The following PCDHA10 variants were observed in gnomAD, a reference collection of about 807,000 sequenced individuals.
PCDHA10 encodes the protein protocadherin alpha 10, also known as protocadherin alpha-10.
A neutral mutation model predicts 61.2 loss-of-function variants in PCDHA10; 45 were observed. The observed-to-expected ratio is 0.74, with a 90% CI of 0.58 to 0.94. PCDHA10 has a LOEUF of 0.94. PCDHA10 is among the 40% of genes least tolerant of loss of function. PCDHA10 has a pLI of 0.00. For synonymous variants in PCDHA10, 602 were observed against 548.8 expected, an observed-to-expected ratio of 1.10 and a Z score of -1.35; for missense variants, 1,278 against 1,236.2, an observed-to-expected ratio of 1.03 and a Z score of -0.51.
In PCDHA10 at chr5:140,990,740, G is replaced by C. The variant is rs76434886; in HGVS notation, c.2536+8177G>C. Among the ~76,000 whole-genome samples the C allele has an allele frequency of 8.5e-3, 1,294 of 152,288 alleles. 21 individuals carry two copies. Among genetic ancestry groups the C allele is most frequent in the African/African-American group, 0.029 (1,222 of 41,552 alleles). ...ATCACTAGGTATATCAACAGCCCTA[G>C]GGTGGATACCTTTGAGCCTGTAAAT... On this transcript the variant is annotated intron_variant, in intron 3 of 3. Coordinates refer to ENST00000307360, the MANE Select transcript of PCDHA10 (RefSeq NM_018901.4).
At chr5:140,868,885 TA>T in intron 1 of PCDHA10, 1 of 733,950 alleles carries the variant, frequency 1.4e-6, no homozygotes, top group East Asian at 2.8e-5. Flanking sequence ...CTCACAGTTT[TA>T]GGCGCAAGGT....
intron 1 of PCDHA10, among the ~76,000 whole-genome samples, chr5:140,901,760 G>C (rs909858668): frequency 6.6e-6 from 1 of 152,102 alleles, no homozygotes; most frequent in Admixed American, 6.5e-5. Context: ...TTTTGACAGG[G>C]ATTGCATTGA....
chr5:140,994,429 G>A (rs1474074265), intron 3 of PCDHA10, among the ~76,000 whole-genome samples: 1 of 152,110 alleles, frequency 6.6e-6, no homozygotes, highest in Non-Finnish European at 1.5e-5. Flanking sequence ...GAGGCCGGGC[G>A]CAGTGGCTCA....
intron 1 of PCDHA10, among the ~76,000 whole-genome samples, chr5:140,904,904 C>G (rs1463349424): frequency 6.6e-6 from 1 of 151,948 alleles, no homozygotes; most frequent in Non-Finnish European, 1.5e-5. Context: ...GTTTTTCTTA[C>G]TGATTTGTTT....
At chr5:140,964,174 A>G (rs1187603456) in intron 1 of PCDHA10, among the ~76,000 whole-genome samples, 2 of 152,250 alleles carry the variant, frequency 1.3e-5, no homozygotes, top group African/African-American at 4.8e-5. Flanking sequence ...GAACGAAATC[A>G]TTATAGTGCC....
At chr5:140,984,987 G>C (rs1034950978) in intron 3 of PCDHA10, among the ~76,000 whole-genome samples, 7 of 152,028 alleles carry the variant, frequency 4.6e-5, no homozygotes, top group Admixed American at 2.0e-4. Flanking sequence ...CCCCAGGCTG[G>C]AGTCCAGTGG....
chr5:140,886,730 G>A (rs2061105749), intron 1 of PCDHA10, among the ~76,000 whole-genome samples: 1 of 150,962 alleles, frequency 6.6e-6, no homozygotes, highest in Non-Finnish European at 1.5e-5. Flanking sequence ...GGAGGCTGAA[G>A]CAAGAGAATT....
In PCDHA10 at chr5:140,858,356, T is replaced by G. The variant is rs782216764; in HGVS notation, c.2308T>G (p.Phe770Val). 6.3e-7 allele frequency: 1 copy of G among 1,593,100 alleles called. No homozygotes were observed. The highest frequency in any genetic ancestry group is 8.6e-7 in the Non-Finnish European group (1 of 1,164,534). Residue 770 changes from phenylalanine (F) to valine (V), a missense_variant, in exon 1 of 4, where the codon TTC becomes GTC. Phe to Val is a conservative substitution (Grantham distance 50). Transcript: ENST00000307360. ...EGLPKADLMA[F>V]SPSLPPCPMV... is the part of the protein sequence containing the mutation. ...CCTGCCCAAGGCGGACCTCATGGCCTTCAGCCCCAGCCTTCCACCATGCCC... is the reference window on the plus strand; with the variant it reads ...CCTGCCCAAGGCGGACCTCATGGCCGTCAGCCCCAGCCTTCCACCATGCCC...
Position 140,999,523 on chromosome 5 carries a change from C to A in PCDHA10, c.2537-10104C>A, listed in dbSNP as rs115576128. On this transcript the variant is annotated intron_variant, in intron 3 of 3. Coordinates refer to ENST00000307360, the MANE Select transcript of PCDHA10 (RefSeq NM_018901.4). ...AACCTACATTTTAAGCATTTTGTTA[C>A]CCCCTGGATATGACAGCCAATGAAG... is the stretch of plus-strand genomic sequence containing the variant. Among the ~76,000 whole-genome samples, 464 of 152,142 alleles carry A rather than the reference C, an allele frequency of 3.0e-3. 6 individuals carry two copies. Among genetic ancestry groups the A allele is most frequent in the Middle Eastern group, 0.01 (3 of 294 alleles).
At chr5:140,877,375 C>G (rs782650940) in intron 1 of PCDHA10, 1 of 1,614,006 alleles carries the variant, frequency 6.2e-7, no homozygotes, top group Admixed American at 1.7e-5. Flanking sequence ...CAGCACGACA[C>G]GCATCCTGGA....
At chr5:140,976,060 T>G (rs1554237234) in intron 1 of PCDHA10, among the ~76,000 whole-genome samples, 3 of 152,228 alleles carry the variant, frequency 2.0e-5, no homozygotes. Flanking sequence ...GATAGTAATA[T>G]ATGTCTTACT....
chr5:140,899,123 A>T (rs1190536862), intron 1 of PCDHA10, among the ~76,000 whole-genome samples: 6 of 152,240 alleles, frequency 3.9e-5, no homozygotes, highest in Non-Finnish European at 7.3e-5. Flanking sequence ...ATATACAATC[A>T]TGTCTTCTGC....
chr5:140,910,519 G>A (rs187918127), intron 1 of PCDHA10, among the ~76,000 whole-genome samples: 18 of 152,218 alleles, frequency 1.2e-4, no homozygotes, highest in Non-Finnish European at 2.5e-4. Context: ...AAGGATGCAG[G>A]TACTCCCCTC....
intron 1 of PCDHA10, chr5:140,966,970 G>A (rs1554228990): frequency 6.2e-7 from 1 of 1,602,870 alleles, no homozygotes; most frequent in Admixed American, 1.7e-5. Flanking sequence ...TGGGGCTTGA[G>A]CTGCGGCGCT....
intron 3 of PCDHA10, among the ~76,000 whole-genome samples, chr5:140,999,452 G>A (rs141442204): frequency 6.4e-4 from 97 of 152,234 alleles, no homozygotes; most frequent in African/African-American, 2.1e-3. Flanking sequence ...TTCGTTCAAC[G>A]AATAAGTGGT....
At chr5:140,906,487 CA>C (rs1346198597) in intron 1 of PCDHA10, among the ~76,000 whole-genome samples, 1 of 152,180 alleles carries the variant, frequency 6.6e-6, no homozygotes, top group Non-Finnish European at 1.5e-5. Context: ...TATAAATGCA[CA>C]AACATGTTTT....
intron 1 of PCDHA10, chr5:140,876,225 G>C: frequency 1.2e-6 from 2 of 1,613,982 alleles, no homozygotes; most frequent in Non-Finnish European, 1.7e-6. Context: ...AAGTAGTGTT[G>C]TCTGAAAATG....
At chr5:140,884,020 G>A (rs61734917) in intron 1 of PCDHA10, 5 of 1,613,174 alleles carry the variant, frequency 3.1e-6, no homozygotes, top group East Asian at 2.2e-5. Flanking sequence ...TGCCGCGGTC[G>A]GTGGGTGCAG....
intron 1 of PCDHA10, chr5:140,968,552 C>T (rs370640529): frequency 1.2e-6 from 2 of 1,614,184 alleles, no homozygotes; most frequent in Non-Finnish European, 1.7e-6. Flanking sequence ...GATGGTGCCT[C>T]GAACTGCCCC....
Sources: allele counts gnomAD v4.1 joint callset (sites outside exome capture counted in the v4.1 genomes callset), GRCh38; gene constraint gnomAD v4.1.1; transcripts MANE v1.5; gene names NCBI Gene and HGNC (gene_info 2026-07-23, HGNC 2026-07-21).